SYT13: variants seen among roughly 807,000 people sequenced by gnomAD.
SYT13 encodes synaptotagmin-13.
Under a neutral mutation model 38.6 loss-of-function variants are expected in SYT13, and 21 were observed. The ratio of observed to expected loss-of-function variants is 0.54; its 90% CI spans 0.39 to 0.78. The LOEUF is 0.78. SYT13 is among the 30% of genes least tolerant of loss of function. The probability of loss-of-function intolerance (pLI) is 0.00; values close to 1 mark genes in which losing one functional copy is unlikely to be tolerated. For synonymous variants in SYT13, 241 were observed against 237.6 expected (o/e 1.01, Z -0.13); for missense variants, 495 against 548.7 (o/e 0.90, Z 0.98).
chr11:45,272,439 G>A (rs1438720576), intron 1 of SYT13, among the ~76,000 whole-genome samples: 3 of 152,220 alleles, frequency 2.0e-5, no homozygotes, highest in Non-Finnish European at 2.9e-5. Context: ...ATTCTTCTGT[G>A]TGAATTTCAT....
intron 1 of SYT13, 163 bp downstream of exon 1, chr11:45,285,861 AC>A: frequency 1.8e-6 from 1 of 541,400 alleles, no homozygotes; most frequent in East Asian, 4.7e-5. Context: ...CCATCCCCCT[AC>A]CTTTTTGACT....
intron 1 of SYT13, among the ~76,000 whole-genome samples, chr11:45,256,163 G>A (rs1347825059): frequency 6.6e-6 from 1 of 151,994 alleles, no homozygotes; most frequent in Non-Finnish European, 1.5e-5. Flanking sequence ...ATATTGCCTG[G>A]ACCTGCTGCA....
At chr11:45,251,357 C>T (rs1214553059) in intron 4 of SYT13, among the ~76,000 whole-genome samples, 1 of 134,098 alleles carries the variant, frequency 7.5e-6, no homozygotes, top group African/African-American at 2.9e-5. Flanking sequence ...CCACTGCACT[C>T]CAGCCTGGCA....
At chr11:45,260,991 G>A (rs1854808440) in intron 1 of SYT13, among the ~76,000 whole-genome samples, 1 of 152,202 alleles carries the variant, frequency 6.6e-6, no homozygotes, top group Admixed American at 6.5e-5. Context: ...GATGTGCAGA[G>A]AGTTAAAGCT....
At chr11:45,275,377 T>C (rs1340393841) in intron 1 of SYT13, among the ~76,000 whole-genome samples, 1 of 152,190 alleles carries the variant, frequency 6.6e-6, no homozygotes, top group Non-Finnish European at 1.5e-5. Context: ...CCCTCTCTCC[T>C]TTACGCTTGT....
intron 5 of SYT13, 118 bp from the exon 6 acceptor site, chr11:45,244,474 G>A (rs749380874): frequency 1.9e-5 from 23 of 1,238,178 alleles, no homozygotes; most frequent in African/African-American, 3.0e-5. Flanking sequence ...TCAAGAGTTC[G>A]GACATCTGTG....
intron 1 of SYT13, among the ~76,000 whole-genome samples, chr11:45,268,138 G>A (rs977294798): frequency 6.6e-6 from 1 of 152,124 alleles, no homozygotes; most frequent in African/African-American, 2.4e-5. Flanking sequence ...CTCCCAACCC[G>A]GCCAGGATGA....
rs113396666 is a variant in SYT13, at chr11:45,248,355, A to G, written c.847-1843T>C. On this transcript the variant is annotated intron_variant, in intron 4 of 5. Transcript: ENST00000020926. ...AGTGGGCACACAATAAACATTTGTG[A>G]AAAAAGGGTAACACATTCCATTTAT... 3.3e-3 allele frequency among the ~76,000 whole-genome samples: 510 copies of G among 152,334 alleles called. 6 individuals are homozygous for G. The highest frequency in any genetic ancestry group is 0.012 in the African/African-American group (487 of 41,586).
In SYT13 at chr11:45,243,945, A is replaced by C; in HGVS notation, c.*107T>G. 1 of 1,217,996 alleles carries C rather than the reference A, an allele frequency of 8.2e-7. No homozygotes were observed. Among genetic ancestry groups the C allele is most frequent in the Admixed American group, 2.3e-5 (1 of 44,248 alleles). The allele number at this position is 1,217,996 out of a possible 1,614,324, so 75.4% of individuals were successfully genotyped here. On this transcript the variant is annotated 3_prime_UTR_variant, in exon 6 of 6. Coordinates refer to ENST00000020926, the MANE Select transcript of SYT13 (RefSeq NM_020826.3). ...AGAGAGCCATCCCAGCCTTGCAAAC[A>C]CATCTGTCACTGTCTTCTGGGTGTC...
In SYT13 at chr11:45,254,278, C is replaced by T. The variant is rs763157249; in HGVS notation, c.536G>A (p.Arg179His). The T allele has an allele frequency of 6.8e-6, 11 of 1,610,638 alleles. No homozygotes were observed. Among genetic ancestry groups the T allele is most frequent in the South Asian group, 6.7e-5 (6 of 90,216 alleles). The change falls in exon 3 of 6, where the codon CGC becomes CAC. Residue 179 changes from arginine (R) to histidine (H), a missense_variant. By Grantham distance (29) the Arg-to-His change is conservative. Transcript: ENST00000020926. ...DCQKAELFVT[R>H]LEAVTSNHDG... ...TCAAATAAGAGCCATACCTTCCAGG[C>T]GAGTCACAAACAATTCTGCCTTCTG...
At chr11:45,259,114 G>A (rs919250236) in intron 1 of SYT13, among the ~76,000 whole-genome samples, 1 of 152,014 alleles carries the variant, frequency 6.6e-6, no homozygotes, top group Admixed American at 6.5e-5. Context: ...TCTTGCCACT[G>A]GATTCTAAAT....
At chr11:45,276,581 A>T (rs868101350) in intron 1 of SYT13, among the ~76,000 whole-genome samples, 13 of 152,180 alleles carry the variant, frequency 8.5e-5, no homozygotes, top group East Asian at 5.8e-4. Flanking sequence ...TATAATAAAA[A>T]TTTTTTTAAA....
chr11:45,243,476 G>A lies in SYT13; in HGVS notation c.*576C>T, dbSNP rs1854576840. 6.6e-6 allele frequency: 1 copy of A among 152,326 alleles called. No individual in the cohort carries two copies. Among genetic ancestry groups the A allele is most frequent in the African/African-American group, 2.4e-5 (1 of 41,396 alleles). The allele number at this position is 152,326 out of a possible 1,614,324, so 9.4% of individuals were successfully genotyped here. ...ACCCTCTACATCAGCTTGTTAAAAA[G>A]GAAGGCTCCTGGGCTTCGACCAGGA... On this transcript the variant is annotated 3_prime_UTR_variant, in exon 6 of 6. Coordinates refer to ENST00000020926, the MANE Select transcript of SYT13 (RefSeq NM_020826.3).
At chr11:45,255,942 T>A in intron 1 of SYT13, 51 bp from the exon 2 acceptor site, 1 of 1,585,606 alleles carries the variant, frequency 6.3e-7, no homozygotes, top group East Asian at 2.2e-5. Flanking sequence ...CTCTTGTCTG[T>A]TTCCCCCCAT....
At chr11:45,270,779 C>T (rs376316732) in intron 1 of SYT13, among the ~76,000 whole-genome samples, 77 of 152,250 alleles carry the variant, frequency 5.1e-4, no homozygotes, top group African/African-American at 1.9e-3. Context: ...TTATATGCAG[C>T]ACTTGAAAAG....
intron 1 of SYT13, chr11:45,269,422 T>C: frequency 1.6e-6 from 2 of 1,232,948 alleles, no homozygotes; most frequent in Non-Finnish European, 2.1e-6. Flanking sequence ...GATTTCCTTC[T>C]TGTAGGTGGC....
At chr11:45,261,288 C>A (rs1854811621) in intron 1 of SYT13, among the ~76,000 whole-genome samples, 1 of 152,196 alleles carries the variant, frequency 6.6e-6, no homozygotes, top group African/African-American at 2.4e-5. Flanking sequence ...TGTATCACTG[C>A]TGTGGAAAAC....
chr11:45,281,282 G>A (rs1855070478), intron 1 of SYT13, among the ~76,000 whole-genome samples: 1 of 152,114 alleles, frequency 6.6e-6, no homozygotes, highest in Non-Finnish European at 1.5e-5. Flanking sequence ...TCCACTGAAA[G>A]CCACTTCAGT....
intron 4 of SYT13, among the ~76,000 whole-genome samples, chr11:45,251,100 G>C (rs973615328): frequency 6.6e-6 from 1 of 151,952 alleles, no homozygotes. Context: ...TTAAAAAATA[G>C]TACCCTTGGC....
Sources: allele counts gnomAD v4.1 joint callset (sites outside exome capture counted in the v4.1 genomes callset), GRCh38; gene constraint gnomAD v4.1.1; transcripts MANE v1.5; gene names NCBI Gene and HGNC (gene_info 2026-07-23, HGNC 2026-07-21).